The following ZNF438 variants were observed in gnomAD, a reference collection of about 807,000 sequenced individuals.
ZNF438 encodes the protein zinc finger protein 438.
ZNF438 carries 25 observed loss-of-function variants against 38.0 expected under a neutral mutation model. The observed-to-expected ratio is 0.66, with a 90% CI of 0.48 to 0.92. The LOEUF is 0.92. ZNF438 is among the 40% of genes least tolerant of loss of function. The pLI is 0.00. For synonymous variants in ZNF438, 372 were observed against 364.1 expected (o/e 1.02, Z -0.25); for missense variants, 1,007 against 999.6 (o/e 1.01, Z -0.10).
intron 1 of ZNF438, among the ~76,000 whole-genome samples, chr10:30,987,334 A>AC (rs2052941287): frequency 6.6e-6 from 1 of 151,764 alleles, no homozygotes; most frequent in East Asian, 1.9e-4. Context: ...AAAAAAAAAA[A>AC]ACTAAAATAT....
intron 2 of ZNF438, among the ~76,000 whole-genome samples, chr10:30,936,936 A>G (rs143318573): frequency 6.6e-5 from 10 of 152,320 alleles, no homozygotes; most frequent in Admixed American, 6.5e-4. Context: ...AATTTTAAAC[A>G]CATCAAAGAG....
intron 2 of ZNF438, among the ~76,000 whole-genome samples, chr10:30,924,946 TTAA>T (rs1438468257): frequency 1.3e-5 from 2 of 152,242 alleles, no homozygotes; most frequent in Non-Finnish European, 2.9e-5. Flanking sequence ...ATGTAGGATG[TTAA>T]TTATTTCAAA....
rs114835196 is a variant in ZNF438, at chr10:30,976,314, G to C, written c.-191-34663C>G. Among the ~76,000 whole-genome samples the C allele has an allele frequency of 2.2e-3, 336 of 152,272 alleles. 3 individuals carry two copies. The highest frequency in any genetic ancestry group is 7.3e-3 in the African/African-American group (304 of 41,566). ...AGGATAAAAAATAAAATCCAAGTATGTTCTACTTTTAGGAAACATATCTAA... is the reference window on the plus strand; with the variant it reads ...AGGATAAAAAATAAAATCCAAGTATCTTCTACTTTTAGGAAACATATCTAA... On this transcript the variant is annotated intron_variant, in intron 1 of 5. Coordinates refer to ENST00000413025, the Ensembl canonical transcript of ZNF438.
At chr10:30,906,825 A>T (rs2042632989) in intron 3 of ZNF438, among the ~76,000 whole-genome samples, 2 of 152,024 alleles carry the variant, frequency 1.3e-5, no homozygotes, top group Admixed American at 6.5e-5. Flanking sequence ...TTATCATGTG[A>T]CTTCTGTTCT....
In ZNF438 at chr10:30,949,969, C is replaced by T. The variant is rs144981501; in HGVS notation, c.-191-8318G>A. ...ATTTTTTTTCAGCACCACACCACAC[C>T]TATTCCAAAATTGACCACATACTTG... On this transcript the variant is annotated intron_variant, in intron 1 of 5. Coordinates refer to ENST00000413025, the Ensembl canonical transcript of ZNF438. Among the ~76,000 whole-genome samples, 886 of 152,264 alleles carry T rather than the reference C, an allele frequency of 5.8e-3. 8 individuals are homozygous for T. Among genetic ancestry groups the T allele is most frequent in the African/African-American group, 0.021 (854 of 41,550 alleles).
At chr10:30,949,752 C>T (rs1191843494) in intron 1 of ZNF438, among the ~76,000 whole-genome samples, 6 of 151,578 alleles carry the variant, frequency 4.0e-5, no homozygotes, top group Admixed American at 1.3e-4. Flanking sequence ...TAAAGCAAGT[C>T]CTGAGTGACC....
At position 30,850,232 on chromosome 10, in the gene ZNF438, C is replaced by T. The variant is rs775935719; in HGVS notation, c.173G>A (p.Arg58His). Reference sequence around the variant, plus strand: ...GGGTCCCAGATTCACCTGATCAGAGCGTGATGGTGAATGACATGGCAGCAT... The same window carrying T: ...GGGTCCCAGATTCACCTGATCAGAGTGTGATGGTGAATGACATGGCAGCAT... Residue 58 changes from arginine to histidine, a missense_variant, in exon 5 of 6, where the codon CGC becomes CAC. Coordinates refer to ENST00000413025, the Ensembl canonical transcript of ZNF438. The T allele has an allele frequency of 8.7e-6, 14 of 1,613,942 alleles. No individual in the cohort carries two copies. The East Asian group carries it at 8.9e-5, about 10-fold the overall frequency.
At chr10:30,970,149 C>T (rs995374476) in intron 1 of ZNF438, among the ~76,000 whole-genome samples, 3 of 149,932 alleles carry the variant, frequency 2.0e-5, no homozygotes, top group Non-Finnish European at 4.4e-5. Flanking sequence ...CACACATATA[C>T]ACACACACAC....
intron 4 of ZNF438, among the ~76,000 whole-genome samples, chr10:30,863,709 T>C: frequency 6.6e-6 from 1 of 152,134 alleles, no homozygotes; most frequent in East Asian, 1.9e-4. Context: ...TGCCTGTGAG[T>C]GGTCTCCTTA....
intron 1 of ZNF438, among the ~76,000 whole-genome samples, chr10:30,978,518 T>G (rs1419535404): frequency 6.6e-6 from 1 of 152,152 alleles, no homozygotes; most frequent in Non-Finnish European, 1.5e-5. Flanking sequence ...TTTCAGTGGG[T>G]TTGGACAAAT....
rs1020145516 is a variant in ZNF438, at chr10:31,014,128, C to T, written c.-192+17705G>A. ...TGGTGTCCTTTCCACTTTTTTGGTC[C>T]CTTCTTTGCAGTCCAATTTGCTATA... On this transcript the variant is annotated intron_variant, in intron 1 of 5. Transcript: ENST00000413025. Among the ~76,000 whole-genome samples the T allele has an allele frequency of 2.0e-5, 3 of 152,032 alleles. 1 individual carries two copies. Among genetic ancestry groups the T allele is most frequent in the Admixed American group, 2.0e-4 (3 of 15,282 alleles).
intron 1 of ZNF438, among the ~76,000 whole-genome samples, chr10:30,945,177 T>C (rs530712640): frequency 1.3e-5 from 2 of 152,168 alleles, no homozygotes; most frequent in South Asian, 2.1e-4. Flanking sequence ...CCATTATTGC[T>C]TCAAGTATTT....
At chr10:31,009,299 C>A (rs890691262) in intron 1 of ZNF438, among the ~76,000 whole-genome samples, 1 of 152,112 alleles carries the variant, frequency 6.6e-6, no homozygotes, top group African/African-American at 2.4e-5. Context: ...TTAAACAGAC[C>A]TGATAACTGG....
intron 2 of ZNF438, among the ~76,000 whole-genome samples, chr10:30,935,291 AAC>A (rs1167623105): frequency 6.6e-6 from 1 of 152,230 alleles, no homozygotes; most frequent in African/African-American, 2.4e-5. Context: ...TATAAAGAAA[AAC>A]AGCCTTCTTT....
At chr10:30,926,919 A>G (rs1465694858) in intron 2 of ZNF438, among the ~76,000 whole-genome samples, 1 of 152,220 alleles carries the variant, frequency 6.6e-6, no homozygotes, top group Non-Finnish European at 1.5e-5. Context: ...CAAGTTAAGT[A>G]GGTTAATTTT....
intron 4 of ZNF438, among the ~76,000 whole-genome samples, chr10:30,874,114 GTATA>G (rs58422289): frequency 0.047 from 3,715 of 78,520 alleles, 130 homozygotes; most frequent in Middle Eastern, 0.08. Context: ...GTGTGTGTGT[GTATA>G]TATATATATA....
intron 1 of ZNF438, among the ~76,000 whole-genome samples, chr10:30,983,678 T>C (rs1349624550): frequency 6.6e-6 from 1 of 152,242 alleles, no homozygotes; most frequent in Non-Finnish European, 1.5e-5. Flanking sequence ...TATAGCCATG[T>C]ATTTCCTTGA....
At chr10:30,897,050 G>A (rs778977495) in intron 3 of ZNF438, among the ~76,000 whole-genome samples, 1 of 152,118 alleles carries the variant, frequency 6.6e-6, no homozygotes, top group African/African-American at 2.4e-5. Flanking sequence ...TATTTACAAA[G>A]TATACAATAT....
chr10:30,860,617 G>T (rs964680702), intron 4 of ZNF438, among the ~76,000 whole-genome samples: 1 of 152,038 alleles, frequency 6.6e-6, no homozygotes, highest in African/African-American at 2.4e-5. Context: ...AATCCAATCC[G>T]TCTTGCCAGG....
Sources: gnomAD v4.1 joint callset for allele counts (sites outside exome capture counted in the v4.1 genomes callset) on GRCh38, gnomAD v4.1.1 for gene constraint, MANE v1.5 for transcripts, NCBI Gene and HGNC (gene_info 2026-07-23, HGNC 2026-07-21) for gene names.